NFIB: variants seen among roughly 807,000 people sequenced by gnomAD.
The protein encoded by NFIB is nuclear factor I B.
Under a neutral mutation model 61.5 loss-of-function variants are expected in NFIB, and 11 were observed. The observed-to-expected ratio is 0.18, with a 90% confidence interval of 0.11 to 0.30. NFIB has a LOEUF of 0.30. NFIB is among the 10% of genes least tolerant of loss of function. The pLI is 1.00. For synonymous variants in NFIB, 260 were observed against 216.5 expected (o/e 1.20, Z -1.76); for missense variants, 471 against 608.9 (o/e 0.77, Z 2.38).
chr9:14,192,357 T>C (rs1216857067), intron 2 of NFIB, among the ~76,000 whole-genome samples: 3 of 152,176 alleles, frequency 2.0e-5, no homozygotes, highest in Non-Finnish European at 2.9e-5. Flanking sequence ...CTTTGGATGA[T>C]ATTATGCAAA....
chr9:14,174,496 G>A (rs1367698083), intron 3 of NFIB, among the ~76,000 whole-genome samples: 3 of 152,110 alleles, frequency 2.0e-5, no homozygotes, highest in African/African-American at 4.8e-5. Flanking sequence ...GGCCGGGTGC[G>A]GTGGCTCATG....
intron 2 of NFIB, among the ~76,000 whole-genome samples, chr9:14,188,835 C>A (rs1212480450): frequency 6.6e-6 from 1 of 152,138 alleles, no homozygotes; most frequent in Non-Finnish European, 1.5e-5. Context: ...AACCAAGAAA[C>A]CTGCATTTTA....
chr9:14,225,456 CAAA>C (rs1228589594), intron 2 of NFIB, among the ~76,000 whole-genome samples: 2 of 58,016 alleles, frequency 3.4e-5, no homozygotes, highest in Non-Finnish European at 8.6e-5. Flanking sequence ...GACTCCGTCT[CAAA>C]AAAAAAAAAA....
chr9:14,365,837 G>A (rs1318121396), intron 1 of NFIB, among the ~76,000 whole-genome samples: 1 of 152,120 alleles, frequency 6.6e-6, no homozygotes, highest in Admixed American at 6.5e-5. Flanking sequence ...CTGATCTAAC[G>A]TGAGACCAAA....
Position 14,094,022 on chromosome 9 carries a change from A to G in NFIB, c.1468-5696T>C, listed in dbSNP as rs564033654. ...TTAATCCTCATAACAAATCTATGAG[A>G]AAGACCATTATTATCCTGATTTTAC... On this transcript the variant is annotated intron_variant, in intron 10 of 10. Transcript: ENST00000380953. Among the ~76,000 whole-genome samples the G allele has an allele frequency of 3.3e-5, 5 of 152,224 alleles. 1 individual carries two copies. In the South Asian group the frequency reaches 1.0e-3, roughly 32 times the overall value.
At chr9:14,496,076 G>C in the NFIB span, among the ~76,000 whole-genome samples, 1 of 152,168 alleles carries the variant, frequency 6.6e-6, no homozygotes, top group African/African-American at 2.4e-5. Flanking sequence ...TTAGTTCAGG[G>C]CGTGGCAAGT....
the NFIB span, among the ~76,000 whole-genome samples, chr9:14,469,180 G>A: frequency 6.6e-6 from 1 of 152,122 alleles, no homozygotes; most frequent in Admixed American, 6.5e-5. Flanking sequence ...TGGGATTGGG[G>A]GACCGAACTG....
the NFIB span, among the ~76,000 whole-genome samples, chr9:14,468,416 C>T: frequency 2.0e-5 from 3 of 152,130 alleles, no homozygotes; most frequent in Non-Finnish European, 2.9e-5. Context: ...TTTAGCGTAA[C>T]ATAAACACAA....
chr9:14,380,067 T>C (rs2061469771), intron 1 of NFIB, among the ~76,000 whole-genome samples: 1 of 152,140 alleles, frequency 6.6e-6, no homozygotes, highest in Admixed American at 6.6e-5. Flanking sequence ...GCTTCTGCCA[T>C]TACTTCTTAT....
chr9:14,502,703 T>A, the NFIB span, among the ~76,000 whole-genome samples: 2,949 of 152,324 alleles, frequency 0.019, 35 homozygotes, highest in Non-Finnish European at 0.027. Context: ...GGGGAAGTTT[T>A]ATTTATTTTT....
At chr9:14,490,239 T>C in the NFIB span, among the ~76,000 whole-genome samples, 2 of 152,176 alleles carry the variant, frequency 1.3e-5, no homozygotes, top group African/African-American at 2.4e-5. Flanking sequence ...TTTTGATTGA[T>C]AGAGCAAGGA....
intron 2 of NFIB, among the ~76,000 whole-genome samples, chr9:14,199,464 C>G (rs1396209226): frequency 6.6e-6 from 1 of 152,236 alleles, no homozygotes; most frequent in Non-Finnish European, 1.5e-5. Flanking sequence ...CCCTAATCTA[C>G]TTAAACAGGA....
At chr9:14,255,427 T>C (rs1042240680) in intron 2 of NFIB, among the ~76,000 whole-genome samples, 1 of 152,222 alleles carries the variant, frequency 6.6e-6, no homozygotes, top group East Asian at 1.9e-4. Flanking sequence ...TGTGAGCATC[T>C]GACTTTACCT....
chr9:14,444,095 C>T, the NFIB span, among the ~76,000 whole-genome samples: 1 of 152,140 alleles, frequency 6.6e-6, no homozygotes, highest in South Asian at 2.1e-4. Context: ...TTTCATGGCC[C>T]TAATCATGCG....
rs1394780180 is a variant in NFIB at position 14,084,278 on chromosome 9, A to T, written c.*4031T>A. 2 of 202,670 alleles carry T rather than the reference A, an allele frequency of 9.9e-6. No homozygotes were observed. The highest frequency in any genetic ancestry group is 2.0e-5 in the Non-Finnish European group (2 of 98,524). 12.6% of individuals were successfully genotyped at this position (202,670 alleles called of 1,614,324 possible). A position where few individuals can be genotyped will look rare whatever the true frequency, so the allele number is the denominator to read the frequency against. Reference sequence around the variant, plus strand: ...ATAATTGTTAAAAAGTTAGCTTTACAAACATGGGAATTTTAATTTAAAAAA... The same window carrying T: ...ATAATTGTTAAAAAGTTAGCTTTACTAACATGGGAATTTTAATTTAAAAAA... On this transcript the variant is annotated 3_prime_UTR_variant, in exon 11 of 11. Transcript: ENST00000380953.
At chr9:14,116,959 G>A (rs1290799243) in intron 8 of NFIB, among the ~76,000 whole-genome samples, 1 of 152,198 alleles carries the variant, frequency 6.6e-6, no homozygotes, top group African/African-American at 2.4e-5. Context: ...TAGATTCCGA[G>A]ATCTATGGTC....
intron 3 of NFIB, among the ~76,000 whole-genome samples, chr9:14,170,682 T>C (rs2045470831): frequency 6.6e-6 from 1 of 151,978 alleles, no homozygotes; most frequent in African/African-American, 2.4e-5. Flanking sequence ...GTAAAAGCCA[T>C]CACTACAACA....
intron 1 of NFIB, among the ~76,000 whole-genome samples, chr9:14,308,780 T>G (rs1488880795): frequency 6.6e-6 from 1 of 152,216 alleles, no homozygotes; most frequent in African/African-American, 2.4e-5. Context: ...GCTCCTGCAT[T>G]TTTCCTGCCT....
chr9:14,199,661 T>A (rs2048816578), intron 2 of NFIB, among the ~76,000 whole-genome samples: 1 of 152,234 alleles, frequency 6.6e-6, no homozygotes. Context: ...ATGTTTGTGC[T>A]TTTGGTTTTA....
Sources: allele counts gnomAD v4.1 joint callset (sites outside exome capture counted in the v4.1 genomes callset), GRCh38; gene constraint gnomAD v4.1.1; transcripts MANE v1.5; gene names NCBI Gene and HGNC (gene_info 2026-07-23, HGNC 2026-07-21).